The following DZIP3 variants were observed in gnomAD, a reference collection of about 807,000 sequenced individuals.
The protein encoded by DZIP3 is E3 ubiquitin-protein ligase DZIP3.
Under a neutral mutation model 162.0 loss-of-function variants are expected in DZIP3, and 118 were observed. That is an observed-to-expected ratio of 0.73 (90% confidence interval 0.63 to 0.85). The LOEUF (loss-of-function observed/expected upper bound fraction) is 0.85. Among genes scored for constraint, DZIP3 ranks in the 40% least tolerant of loss-of-function variants. The probability of loss-of-function intolerance (pLI) is 0.00; values close to 1 mark genes in which losing one functional copy is unlikely to be tolerated. For missense variants in DZIP3, 1,331 were observed against 1,407.0 expected (o/e 0.95, Z 0.86); for synonymous variants, 438 against 458.6 (o/e 0.96, Z 0.57).
Position 108,660,557 on chromosome 3 carries a change from C to A in DZIP3, c.2200-1320C>A, listed in dbSNP as rs897712639. 3.9e-5 allele frequency among the ~76,000 whole-genome samples: 6 copies of A among 152,126 alleles called. No individual in the cohort carries two copies. The East Asian group carries it at 9.7e-4, about 24-fold the overall frequency. The stretch of plus-strand genomic sequence containing the variant: ...ACCCTAGAAGAAAACCTAGGCAATA[C>A]CATTCAGGACATAGGCATGGGCAAG... On this transcript the variant is annotated intron_variant, in intron 19 of 32. Coordinates refer to ENST00000361582, the MANE Select transcript of DZIP3 (RefSeq NM_014648.4).
intron 4 of DZIP3, among the ~76,000 whole-genome samples, chr3:108,613,600 A>G (rs1180699179): frequency 6.6e-6 from 1 of 152,198 alleles, no homozygotes; most frequent in African/African-American, 2.4e-5. Flanking sequence ...CTGATATAAC[A>G]TGGACACAGA....
chr3:108,604,219 A>C (rs1243865609), intron 1 of DZIP3, among the ~76,000 whole-genome samples: 1 of 152,208 alleles, frequency 6.6e-6, no homozygotes, highest in Non-Finnish European at 1.5e-5. Flanking sequence ...TTACTGGATA[A>C]ATAAGCAGTT....
chr3:108,635,637 T>TTA (rs71930078), intron 10 of DZIP3, among the ~76,000 whole-genome samples: 2,667 of 146,276 alleles, frequency 0.018, 88 homozygotes, highest in African/African-American at 0.063. Flanking sequence ...ATTATATAAG[T>TTA]TATATATATA....
At chr3:108,618,433 CT>C (rs778480413) in intron 5 of DZIP3, among the ~76,000 whole-genome samples, 2 of 152,216 alleles carry the variant, frequency 1.3e-5, no homozygotes, top group Non-Finnish European at 2.9e-5. Context: ...AAAATTAGCC[CT>C]TTTACTGTTC....
intron 24 of DZIP3, 136 bp downstream of exon 24, chr3:108,674,317 G>GT (rs1027684920): frequency 1.4e-4 from 93 of 642,574 alleles, no homozygotes; most frequent in Middle Eastern, 5.3e-4. Context: ...GTTTTTTTGG[G>GT]TTTTTTTTCA....
At position 108,626,536 on chromosome 3, in the gene DZIP3, A is replaced by T. The variant is rs944269816; in HGVS notation, c.581+567A>T. Among the ~76,000 whole-genome samples the T allele has an allele frequency of 2.6e-5, 4 of 152,212 alleles. No homozygotes were observed. The South Asian group carries it at 6.2e-4, about 24-fold the overall frequency. On this transcript the variant is annotated intron_variant, in intron 7 of 32. Transcript: ENST00000361582. ...ACTACTTTTAAGAAAGTGAAATTGT[A>T]TGGAGGAAACTATACAGATTATCTG...
intron 13 of DZIP3, among the ~76,000 whole-genome samples, 153 bp from the exon 14 acceptor site, chr3:108,644,011 C>G (rs541342885): frequency 6.6e-6 from 1 of 152,216 alleles, no homozygotes; most frequent in East Asian, 1.9e-4. Flanking sequence ...AAGCAGCATG[C>G]TAATTGAGCA....
intron 31 of DZIP3, among the ~76,000 whole-genome samples, chr3:108,690,400 T>A (rs1944648738): frequency 6.6e-6 from 1 of 152,204 alleles, no homozygotes; most frequent in Admixed American, 6.5e-5. Context: ...CATAAGCATT[T>A]CATACCAGGT....
At chr3:108,676,056 G>A (rs1030940193) in intron 25 of DZIP3, among the ~76,000 whole-genome samples, 183 bp downstream of exon 25, 7 of 152,048 alleles carry the variant, frequency 4.6e-5, no homozygotes, top group Non-Finnish European at 1.0e-4. Flanking sequence ...AGACTCACAC[G>A]TGTAGTCTTT....
chr3:108,623,783 G>A (rs1194873656), intron 5 of DZIP3, among the ~76,000 whole-genome samples: 3 of 152,208 alleles, frequency 2.0e-5, no homozygotes, highest in African/African-American at 4.8e-5. Context: ...GCCCACACTG[G>A]CAGGGCTTGC....
At chr3:108,667,083 G>C (rs760674437) in intron 21 of DZIP3, among the ~76,000 whole-genome samples, 3 of 152,030 alleles carry the variant, frequency 2.0e-5, no homozygotes, top group Non-Finnish European at 4.4e-5. Context: ...TACTTGAGAG[G>C]CTGAGATGGG....
At chr3:108,665,519 A>G (rs1279062823) in intron 21 of DZIP3, among the ~76,000 whole-genome samples, 4 of 151,920 alleles carry the variant, frequency 2.6e-5, no homozygotes, top group Non-Finnish European at 5.9e-5. Context: ...TGGAATTTCA[A>G]AAAGAGAGCA....
intron 32 of DZIP3, among the ~76,000 whole-genome samples, chr3:108,691,991 C>T (rs1160231776): frequency 3.9e-5 from 6 of 152,088 alleles, no homozygotes; most frequent in South Asian, 2.1e-4. Flanking sequence ...TTACTCTTCA[C>T]GGAACACTCC....
At chr3:108,629,635 C>T (rs1192790472) in intron 8 of DZIP3, among the ~76,000 whole-genome samples, 1 of 152,028 alleles carries the variant, frequency 6.6e-6, no homozygotes, top group Non-Finnish European at 1.5e-5. Context: ...CACACACACA[C>T]ACATATAAAC....
intron 7 of DZIP3, among the ~76,000 whole-genome samples, chr3:108,628,668 A>G (rs1941694640): frequency 6.6e-6 from 1 of 152,188 alleles, no homozygotes; most frequent in Non-Finnish European, 1.5e-5. Context: ...GATTATGGCC[A>G]TAGGGGATGA....
At chr3:108,598,374 G>A (rs1291842537) in intron 1 of DZIP3, among the ~76,000 whole-genome samples, 1 of 152,154 alleles carries the variant, frequency 6.6e-6, no homozygotes, top group Non-Finnish European at 1.5e-5. Context: ...AAGATCAGAT[G>A]TTTATTCAAG....
In DZIP3 at chr3:108,605,395, A is replaced by G. The variant is rs766709185; in HGVS notation, c.-12A>G. On this transcript the variant is annotated 5_prime_UTR_variant, in exon 2 of 33. Coordinates refer to ENST00000361582, the MANE Select transcript of DZIP3 (RefSeq NM_014648.4). Reference sequence around the variant, plus strand: ...AGTGGAATAAGATTTTTGTAAAGAAACCTTGTGCAGCATGGATTCTCTACC... The same window carrying G: ...AGTGGAATAAGATTTTTGTAAAGAAGCCTTGTGCAGCATGGATTCTCTACC... 5.6e-6 allele frequency: 9 copies of G among 1,613,598 alleles called. No homozygotes were observed. In the East Asian group the frequency reaches 1.8e-4, roughly 32 times the overall value.
chr3:108,630,926 G>T (rs1238126216), intron 8 of DZIP3, among the ~76,000 whole-genome samples: 10 of 150,120 alleles, frequency 6.7e-5, no homozygotes, highest in African/African-American at 2.5e-4. Flanking sequence ...AAGAAATACT[G>T]CTATTTAAAA....
chr3:108,669,953 C>G (rs1451147290), intron 22 of DZIP3, among the ~76,000 whole-genome samples: 1 of 151,804 alleles, frequency 6.6e-6, no homozygotes, highest in Non-Finnish European at 1.5e-5. Context: ...CACTTTAGCT[C>G]TGACTCTAGA....
Sources: allele counts gnomAD v4.1 joint callset (sites outside exome capture counted in the v4.1 genomes callset), GRCh38; gene constraint gnomAD v4.1.1; transcripts MANE v1.5; gene names NCBI Gene and HGNC (gene_info 2026-07-23, HGNC 2026-07-21).